The following LRP1B variants were observed in gnomAD, a reference collection of about 807,000 sequenced individuals.
The protein encoded by LRP1B is LDL receptor related protein 1B, also known as low-density lipoprotein receptor-related protein 1B.
In LRP1B, 217 loss-of-function variants were observed where a neutral mutation model predicts 556.6. That is an observed-to-expected ratio of 0.39 (90% CI 0.35 to 0.44). LRP1B has a LOEUF of 0.44. Among genes scored for constraint, LRP1B ranks in the 20% least tolerant of loss-of-function variants. The pLI, the probability that LRP1B is intolerant of heterozygous loss-of-function variation, is 1.00. For missense variants in LRP1B, 5,053 were observed against 5,620.8 expected, an observed-to-expected ratio of 0.90 and a Z score of 3.23; for synonymous variants, 2,047 against 1,865.8, an observed-to-expected ratio of 1.10 and a Z score of -2.50.
chr2:141,967,063 ACTT>A (rs749939215), intron 1 of LRP1B, among the ~76,000 whole-genome samples: 6 of 151,682 alleles, frequency 4.0e-5, no homozygotes, highest in South Asian at 2.1e-4. Context: ...CCCATCTCCA[ACTT>A]CTTCTTATCT....
At chr2:142,101,345 A>T (rs1404227979) in intron 1 of LRP1B, among the ~76,000 whole-genome samples, 3 of 152,040 alleles carry the variant, frequency 2.0e-5, no homozygotes, top group Non-Finnish European at 4.4e-5. Flanking sequence ...GATCTACATG[A>T]TTTGGACTGA....
chr2:141,131,018 T>G (rs944582688), intron 7 of LRP1B, among the ~76,000 whole-genome samples: 5 of 152,042 alleles, frequency 3.3e-5, no homozygotes, highest in Non-Finnish European at 5.9e-5. Flanking sequence ...ACAGGGCATA[T>G]ACCTAACACA....
chr2:140,252,804 C>T (rs1681507234), intron 86 of LRP1B, among the ~76,000 whole-genome samples: 1 of 152,066 alleles, frequency 6.6e-6, no homozygotes, highest in African/African-American at 2.4e-5. Flanking sequence ...ATCAACATCA[C>T]ATTTGTGGTG....
In LRP1B at chr2:140,525,843, C is replaced by T. The variant is rs1268439344; in HGVS notation, c.8026+1G>A. The T allele has an allele frequency of 6.2e-7, 1 of 1,610,974 alleles. No homozygotes were observed. ...TGTGTTTTTCTAAATTCTAGTATTACCTGGGCACTTTAATTCATCTGAATA... is the reference window on the plus strand; with the variant it reads ...TGTGTTTTTCTAAATTCTAGTATTATCTGGGCACTTTAATTCATCTGAATA... On this transcript the variant is annotated splice_donor_variant, in intron 49 of 90. Transcript: ENST00000389484. LOFTEE classifies it high-confidence loss of function.
intron 41 of LRP1B, among the ~76,000 whole-genome samples, chr2:140,606,354 C>G (rs1008766181): frequency 1.8e-4 from 28 of 151,722 alleles, no homozygotes; most frequent in African/African-American, 6.5e-4. Context: ...TACAGCACAT[C>G]ATTGAAAGAA....
intron 2 of LRP1B, among the ~76,000 whole-genome samples, chr2:141,578,227 C>T (rs1170639799): frequency 1.3e-5 from 2 of 151,582 alleles, no homozygotes; most frequent in African/African-American, 4.9e-5. Context: ...AATCCTGCCT[C>T]TACTAAAAAT....
intron 84 of LRP1B, among the ~76,000 whole-genome samples, chr2:140,285,691 A>T (rs2104975453): frequency 6.6e-6 from 1 of 151,964 alleles, no homozygotes; most frequent in Admixed American, 6.6e-5. Flanking sequence ...TTACATTGTT[A>T]ATAGCATTTA....
intron 2 of LRP1B, among the ~76,000 whole-genome samples, chr2:141,747,319 C>CA (rs1174351122): frequency 6.6e-6 from 1 of 152,046 alleles, no homozygotes; most frequent in Non-Finnish European, 1.5e-5. Flanking sequence ...ACAAATTCAG[C>CA]AAAAATGTTT....
intron 1 of LRP1B, among the ~76,000 whole-genome samples, chr2:142,054,270 A>G (rs571173934): frequency 2.0e-5 from 3 of 152,300 alleles, no homozygotes; most frequent in South Asian, 4.1e-4. Context: ...AATAAAAACT[A>G]TAATAGTGGG....
chr2:141,311,461 T>G (rs1686811554), intron 3 of LRP1B, among the ~76,000 whole-genome samples: 1 of 152,106 alleles, frequency 6.6e-6, no homozygotes, highest in African/African-American at 2.4e-5. Flanking sequence ...TTTTCAAGGC[T>G]CCACTATAGG....
chr2:141,149,922 A>G (rs1422312303), intron 7 of LRP1B, among the ~76,000 whole-genome samples: 1 of 152,210 alleles, frequency 6.6e-6, no homozygotes, highest in East Asian at 1.9e-4. Context: ...AAATCCCTGG[A>G]GGCCAACTGA....
At chr2:140,877,886 C>T (rs761926236) in intron 25 of LRP1B, among the ~76,000 whole-genome samples, 3 of 152,192 alleles carry the variant, frequency 2.0e-5, no homozygotes, top group Admixed American at 6.5e-5. Context: ...CACATATCCT[C>T]AACCTTGGCC....
intron 27 of LRP1B, among the ~76,000 whole-genome samples, chr2:140,861,378 G>A (rs938639863): frequency 2.0e-5 from 3 of 152,316 alleles, no homozygotes; most frequent in African/African-American, 7.2e-5. Flanking sequence ...CTGCACTCCA[G>A]CCTGAGAGAC....
chr2:141,294,823 T>C (rs1322519710), intron 3 of LRP1B, among the ~76,000 whole-genome samples: 1 of 151,930 alleles, frequency 6.6e-6, no homozygotes, highest in Non-Finnish European at 1.5e-5. Flanking sequence ...GAAATTCAAT[T>C]TGCAGTCAAA....
intron 29 of LRP1B, among the ~76,000 whole-genome samples, chr2:140,843,248 A>C (rs1692177076): frequency 6.6e-6 from 1 of 151,956 alleles, no homozygotes. Flanking sequence ...GAAAGCTATA[A>C]ATATCTATCT....
At chr2:140,361,803 T>C (rs1682530114) in intron 72 of LRP1B, among the ~76,000 whole-genome samples, 1 of 151,514 alleles carries the variant, frequency 6.6e-6, no homozygotes, top group Non-Finnish European at 1.5e-5. Context: ...TTTATGCTGG[T>C]TGTTGAATTT....
In LRP1B at chr2:140,990,051, C is replaced by G. The variant is rs368548786; in HGVS notation, c.2645-394G>C. ...TGAAACCCTGTTTCTACTAAAAATA[C>G]AAAAAATTAGCCAGGCATGGTGGCG... is the stretch of plus-strand genomic sequence containing the variant. On this transcript the variant is annotated intron_variant, in intron 16 of 90. Transcript: ENST00000389484. 5.7e-4 allele frequency among the ~76,000 whole-genome samples: 86 copies of G among 151,914 alleles called. No individual in the cohort carries two copies. The East Asian group carries it at 0.012, about 21-fold the overall frequency.
chr2:140,584,562 A>C (rs565397724), intron 43 of LRP1B, among the ~76,000 whole-genome samples: 1 of 152,218 alleles, frequency 6.6e-6, no homozygotes, highest in South Asian at 2.1e-4. Flanking sequence ...AAATCAATCC[A>C]TCAGTATCAG....
chr2:140,446,255 A>G (rs1573948156), intron 63 of LRP1B, among the ~76,000 whole-genome samples: 1 of 152,240 alleles, frequency 6.6e-6, no homozygotes, highest in Admixed American at 6.5e-5. Flanking sequence ...AAAGGTTGCA[A>G]CTATTAAAGG....
Sources: gnomAD v4.1 joint callset for allele counts (sites outside exome capture counted in the v4.1 genomes callset) on GRCh38, gnomAD v4.1.1 for gene constraint, MANE v1.5 for transcripts, NCBI Gene and HGNC (gene_info 2026-07-23, HGNC 2026-07-21) for gene names.